The following SH3TC1 variants were observed in gnomAD, a reference collection of about 807,000 sequenced individuals.
The protein encoded by SH3TC1 is SH3 domain and tetratricopeptide repeats 1, also known as SH3 domain and tetratricopeptide repeat-containing protein 1.
A neutral mutation model predicts 117.3 loss-of-function variants in SH3TC1; 135 were observed. That is an observed-to-expected ratio of 1.15 (90% CI 1.00 to 1.33). The LOEUF is 1.33. Among genes scored for constraint, SH3TC1 ranks in the 40% most tolerant of loss-of-function variants. SH3TC1 has a pLI of 0.00. For missense variants in SH3TC1, 2,092 were observed against 1,794.3 expected (o/e 1.17, Z -3.00); for synonymous variants, 898 against 816.9 (o/e 1.10, Z -1.69).
At chr4:8,213,625 T>C (rs1718946255) in intron 4 of SH3TC1, among the ~76,000 whole-genome samples, 1 of 152,090 alleles carries the variant, frequency 6.6e-6, no homozygotes, top group Non-Finnish European at 1.5e-5. Flanking sequence ...CAGCGGGACA[T>C]GGTGGCTCAC....
At chr4:8,193,634 C>T (rs1717478581) in intron 1 of SH3TC1, among the ~76,000 whole-genome samples, 1 of 152,204 alleles carries the variant, frequency 6.6e-6, no homozygotes, top group African/African-American at 2.4e-5. Context: ...CAGTTTCCTC[C>T]ACTTGTCTGT....
chr4:8,206,778 T>C lies in SH3TC1; in HGVS notation c.172+1412T>C, dbSNP rs910198573. 6.6e-6 allele frequency among the ~76,000 whole-genome samples: 1 copy of C among 152,048 alleles called. No homozygotes were observed. Among genetic ancestry groups the C allele is most frequent in the Non-Finnish European group, 1.5e-5 (1 of 68,004 alleles). On this transcript the variant is annotated intron_variant, in intron 2 of 17. Coordinates refer to ENST00000245105, the MANE Select transcript of SH3TC1 (RefSeq NM_018986.5). This position sits in a 1 kb window ranked among gnomAD's most constrained non-coding sequence, Gnocchi z 5.5. ...TAGTACAGATAATTCCATTTGCCCATACCCAGGTTCCCTGAATGTTCGCAT... is the reference window on the plus strand; with the variant it reads ...TAGTACAGATAATTCCATTTGCCCACACCCAGGTTCCCTGAATGTTCGCAT...
chr4:8,223,079 G>C, intron 10 of SH3TC1, 109 bp downstream of exon 10: 1 of 1,440,296 alleles, frequency 6.9e-7, no homozygotes, highest in East Asian at 2.5e-5. Flanking sequence ...GATGCTGAAA[G>C]GTGAACAGAC....
Position 8,183,695 on chromosome 4 carries a change from G to A in SH3TC1, c.-57+1485G>A, listed in dbSNP as rs1211252526. The stretch of plus-strand genomic sequence containing the variant: ...AGTTCTCGTAAAACCCCACCCAGCG[G>A]CCTCTATGATTAGCATCTCACCTTG... On this transcript the variant is annotated intron_variant, in intron 1 of 16. Transcript: ENST00000508641. This position sits in a 1 kb window ranked among gnomAD's most constrained non-coding sequence, Gnocchi z 5.4. Among the ~76,000 whole-genome samples, 2 of 152,116 alleles carry A rather than the reference G, an allele frequency of 1.3e-5. No homozygotes were observed. The highest frequency in any genetic ancestry group is 6.5e-5 in the Admixed American group (1 of 15,272).
upstream of SH3TC1, among the ~76,000 whole-genome samples, chr4:8,197,426 AC>A (rs1717588823): frequency 6.6e-6 from 1 of 152,188 alleles, no homozygotes; most frequent in African/African-American, 2.4e-5. Context: ...CAGAGAGAAC[AC>A]CATCTTCCTC....
intron 9 of SH3TC1, among the ~76,000 whole-genome samples, chr4:8,222,251 A>G (rs1470912232): frequency 6.6e-6 from 1 of 150,884 alleles, no homozygotes; most frequent in African/African-American, 2.4e-5. Context: ...AAGGCTGCCT[A>G]GGAGCTCACT....
rs201278229 is a variant in SH3TC1 at position 8,231,985 on chromosome 4, G to C, written c.2960G>C (p.Arg987Pro). The change falls in exon 13 of 18, where the codon CGG becomes CCG. Residue 987 changes from arginine (R) to proline (P), a missense_variant. Transcript: ENST00000245105. ...VEMGHVESQL[R>P]AVQRLCHFYS... Reference sequence around the variant, plus strand: ...TTTGTCTTCTGCCCAGGCCAGCTGCGGGCCGTCCAGCGGCTGTGCCACTTC... The same window carrying C: ...TTTGTCTTCTGCCCAGGCCAGCTGCCGGCCGTCCAGCGGCTGTGCCACTTC... 1 of 1,611,582 alleles carries C rather than the reference G, an allele frequency of 6.2e-7. No homozygotes were observed. The highest frequency in any genetic ancestry group is 8.5e-7 in the Non-Finnish European group (1 of 1,179,980).
Position 8,203,649 on chromosome 4 carries a change from C to T in SH3TC1, c.-28-1518C>T, listed in dbSNP as rs143963127. Among the ~76,000 whole-genome samples the T allele has an allele frequency of 5.8e-3, 885 of 152,200 alleles. 4 individuals are homozygous for T. The highest frequency in any genetic ancestry group is 9.6e-3 in the Non-Finnish European group (653 of 67,990). ...AGAAATAAGCCCAGCATCTCCGCAACTCCTACCTCCCATCTCCCCGCCCCT... is the reference window on the plus strand; with the variant it reads ...AGAAATAAGCCCAGCATCTCCGCAATTCCTACCTCCCATCTCCCCGCCCCT... On this transcript the variant is annotated intron_variant, in intron 1 of 17. Transcript: ENST00000245105.
chr4:8,222,379 T>TTTG (rs1720013153), intron 9 of SH3TC1, among the ~76,000 whole-genome samples: 1 of 140,042 alleles, frequency 7.1e-6, no homozygotes, highest in African/African-American at 2.7e-5. Flanking sequence ...TTTTTTTTTT[T>TTTG]TTTTTTTTTT....
intron 1 of SH3TC1, among the ~76,000 whole-genome samples, chr4:8,189,418 G>T (rs962366207): frequency 1.2e-4 from 18 of 152,270 alleles, no homozygotes; most frequent in Non-Finnish European, 1.8e-4. Flanking sequence ...GCCGGGGTAG[G>T]CCTCTTTGAG....
chr4:8,237,338 C>T, intron 16 of SH3TC1, 136 bp from the exon 17 acceptor site: 1 of 663,674 alleles, frequency 1.5e-6, no homozygotes, highest in Non-Finnish European at 2.4e-6. Context: ...GAAAGTGAGT[C>T]TGGGAGCTGG....
At position 8,217,113 on chromosome 4, in the gene SH3TC1, C is replaced by T. The variant is rs147301670; in HGVS notation, c.785C>T (p.Ser262Phe). ...TCTTCACCGCCGAGCCCCAGCGTGT[C>T]CTCCGAGGAGGTGGCAGTGGCGGCC... is the stretch of plus-strand genomic sequence containing the variant. Reference protein sequence around the residue: ...TDSSPPSPSVSSEEVAVAAAP... With the variant: ...TDSSPPSPSVFSEEVAVAAAP... Residue 262 changes from serine to phenylalanine, a missense_variant, in exon 7 of 18, where the codon TCC becomes TTC. Physicochemically the swap from Ser to Phe is radical, Grantham distance 155 (BLOSUM62 -2). Transcript: ENST00000245105. 148 of 1,613,662 alleles carry T rather than the reference C, an allele frequency of 9.2e-5. No individual in the cohort carries two copies. The highest frequency in any genetic ancestry group is 5.8e-4 in the Admixed American group (35 of 59,978).
At chr4:8,235,598 G>A (rs552543002) in intron 15 of SH3TC1, 43 bp downstream of exon 15, 38 of 1,519,340 alleles carry the variant, frequency 2.5e-5, no homozygotes, top group Admixed American at 1.1e-4. Flanking sequence ...CCCAGGGGGG[G>A]CACCTTGAGG....
intron 12 of SH3TC1, among the ~76,000 whole-genome samples, chr4:8,230,087 G>A: frequency 6.6e-6 from 1 of 151,814 alleles, no homozygotes; most frequent in East Asian, 1.9e-4. Flanking sequence ...GACCGAGGGT[G>A]GGGCTGATAC....
At chr4:8,239,522 A>C (rs1722145045) in intron 17 of SH3TC1, among the ~76,000 whole-genome samples, 1 of 151,472 alleles carries the variant, frequency 6.6e-6, no homozygotes, top group African/African-American at 2.4e-5. Context: ...GCACATGCAC[A>C]CAGGCACACA....
rs1477004602 is a variant in SH3TC1 at position 8,205,706 on chromosome 4, A to G, written c.172+340A>G. 1.4e-6 allele frequency: 1 copy of G among 712,632 alleles called. No homozygotes were observed. Among genetic ancestry groups the G allele is most frequent in the Admixed American group, 2.0e-5 (1 of 51,268 alleles). The allele number at this position is 712,632 out of a possible 1,614,324, so 44.1% of individuals were successfully genotyped here. ...GATGGGTTTGGCCTTGGAACCCCTG[A>G]GAGTCCTCAGGATGAGGCATCCTCG... On this transcript the variant is annotated intron_variant, in intron 2 of 17. Coordinates refer to ENST00000245105, the MANE Select transcript of SH3TC1 (RefSeq NM_018986.5). This position sits in a 1 kb window ranked among gnomAD's most constrained non-coding sequence, Gnocchi z 5.4.
intron 3 of SH3TC1, among the ~76,000 whole-genome samples, chr4:8,211,256 CCGT>C: frequency 1.4e-5 from 1 of 71,580 alleles, no homozygotes; most frequent in South Asian, 7.1e-4. Context: ...CCTCTCCCCA[CCGT>C]CCTGTTTTCT....
intron 13 of SH3TC1, 40 bp from the exon 14 acceptor site, chr4:8,233,323 G>A (rs745430967): frequency 2.6e-6 from 4 of 1,567,284 alleles, no homozygotes; most frequent in African/African-American, 1.4e-5. Context: ...GGTTCCAGGA[G>A]GATGACAGCC....
chr4:8,217,171 G>A lies in SH3TC1; in HGVS notation c.839+4G>A, dbSNP rs770884057. 40 of 1,600,152 alleles carry A rather than the reference G, an allele frequency of 2.5e-5. No individual in the cohort carries two copies. Among genetic ancestry groups the A allele is most frequent in the Non-Finnish European group, 3.2e-5 (37 of 1,173,556 alleles). On this transcript the variant is annotated splice_donor_region_variant and intron_variant, in intron 7 of 17. Transcript: ENST00000245105. ...AGCCTTTGATTCCATTTCATCAGTAGGTACCGGCCTTTGCTGCTCTGAGAG... is the reference window on the plus strand; with the variant it reads ...AGCCTTTGATTCCATTTCATCAGTAAGTACCGGCCTTTGCTGCTCTGAGAG...
Sources: gnomAD v4.1 joint callset for allele counts (sites outside exome capture counted in the v4.1 genomes callset) on GRCh38, gnomAD v4.1.1 for gene constraint, Gnocchi (gnomAD v3.1) non-coding constraint, MANE v1.5 for transcripts, NCBI Gene and HGNC (gene_info 2026-07-23, HGNC 2026-07-21) for gene names.